CLINT1: variants seen among roughly 807,000 people sequenced by gnomAD.
CLINT1 encodes the protein clathrin interacting protein localized in the trans-Golgi region.
A neutral mutation model predicts 70.4 loss-of-function variants in CLINT1; 15 were observed. That is an observed-to-expected ratio of 0.21 (90% confidence interval 0.14 to 0.33). The LOEUF (loss-of-function observed/expected upper bound fraction) is 0.33, where lower values mean the gene tolerates loss of function less well. Among genes scored for constraint, CLINT1 ranks in the 10% least tolerant of loss-of-function variants. The probability of loss-of-function intolerance (pLI) is 1.00; values close to 1 mark genes in which losing one functional copy is unlikely to be tolerated. For missense variants in CLINT1, 615 were observed against 778.1 expected (o/e 0.79, Z 2.49); for synonymous variants, 227 against 254.7 (o/e 0.89, Z 1.04).
At chr5:157,792,784 T>C (rs564272272) in intron 9 of CLINT1, among the ~76,000 whole-genome samples, 3 of 152,336 alleles carry the variant, frequency 2.0e-5, no homozygotes, top group Admixed American at 6.5e-5. Context: ...TACAGTCTTA[T>C]CAATTAACCT....
At chr5:157,818,394 T>C (rs955069817) in intron 1 of CLINT1, among the ~76,000 whole-genome samples, 6 of 145,844 alleles carry the variant, frequency 4.1e-5, no homozygotes, top group Admixed American at 7.2e-5. Context: ...AAGTACTCAA[T>C]ATATGTTAGC....
At chr5:157,858,876 C>CGGGGGGGCGCGG in intron 1 of CLINT1, 54 bp downstream of exon 1, 1 of 605,916 alleles carries the variant, frequency 1.7e-6, no homozygotes, top group Non-Finnish European at 2.7e-6. Flanking sequence ...GCTCCTTCTC[C>CGGGGGGGCGCGG]CCCTCCCCCC....
At chr5:157,858,350 GTCT>G in intron 1 of CLINT1, among the ~76,000 whole-genome samples, 1 of 152,316 alleles carries the variant, frequency 6.6e-6, no homozygotes, top group Non-Finnish European at 1.5e-5. Context: ...AAGGATGAGT[GTCT>G]TCTTGAGTAA....
At chr5:157,848,737 C>T (rs920268179) in intron 1 of CLINT1, among the ~76,000 whole-genome samples, 3 of 152,204 alleles carry the variant, frequency 2.0e-5, no homozygotes, top group Admixed American at 6.5e-5. Flanking sequence ...TCTTGGCTCA[C>T]CGCAACCTCT....
chr5:157,826,487 T>C (rs1763043719), intron 1 of CLINT1, among the ~76,000 whole-genome samples: 1 of 151,454 alleles, frequency 6.6e-6, no homozygotes, highest in Non-Finnish European at 1.5e-5. Context: ...TCACATTAAC[T>C]ACCAGCACAA....
chr5:157,825,045 C>A (rs1357451023), intron 1 of CLINT1, among the ~76,000 whole-genome samples: 1 of 152,016 alleles, frequency 6.6e-6, no homozygotes, highest in Non-Finnish European at 1.5e-5. Context: ...TAAACATGTA[C>A]TTTTAAAAGT....
At chr5:157,838,659 G>T (rs965317989) in intron 1 of CLINT1, among the ~76,000 whole-genome samples, 4 of 152,058 alleles carry the variant, frequency 2.6e-5, no homozygotes, top group African/African-American at 9.7e-5. Context: ...ATCAGTTGCT[G>T]GTATAAACAA....
chr5:157,850,394 G>A (rs1383743980), intron 1 of CLINT1, among the ~76,000 whole-genome samples: 3 of 151,874 alleles, frequency 2.0e-5, no homozygotes, highest in Non-Finnish European at 4.4e-5. Flanking sequence ...TGAGGCGGGC[G>A]GATTGCCTGA....
At chr5:157,837,710 C>G (rs907646647) in intron 1 of CLINT1, among the ~76,000 whole-genome samples, 1 of 144,328 alleles carries the variant, frequency 6.9e-6, no homozygotes, top group East Asian at 2.0e-4. Context: ...GTGGCGTGAT[C>G]TTGGCTCACT....
intron 1 of CLINT1, among the ~76,000 whole-genome samples, chr5:157,830,508 C>T (rs1342060630): frequency 2.6e-5 from 4 of 152,048 alleles, no homozygotes; most frequent in Non-Finnish European, 5.9e-5. Flanking sequence ...TTATTCTTTT[C>T]GTAAGAGTAA....
At chr5:157,828,198 C>T (rs1319640558) in intron 1 of CLINT1, among the ~76,000 whole-genome samples, 1 of 152,178 alleles carries the variant, frequency 6.6e-6, no homozygotes, top group Non-Finnish European at 1.5e-5. Flanking sequence ...GAAAAACTGT[C>T]TCAAGACAGG....
intron 1 of CLINT1, among the ~76,000 whole-genome samples, chr5:157,840,592 G>A (rs186364362): frequency 9.0e-5 from 13 of 145,088 alleles, no homozygotes; most frequent in East Asian, 4.2e-4. Context: ...ATGTGTGTGC[G>A]TTTGCGTAAA....
At chr5:157,813,034 T>G in intron 5 of CLINT1, 29 bp downstream of exon 5, 1 of 1,599,692 alleles carries the variant, frequency 6.3e-7, no homozygotes. Flanking sequence ...AAGCTGATGC[T>G]TAGGTGTCAG....
intron 1 of CLINT1, among the ~76,000 whole-genome samples, chr5:157,828,680 C>G (rs1763114106): frequency 6.6e-6 from 1 of 152,038 alleles, no homozygotes; most frequent in African/African-American, 2.4e-5. Flanking sequence ...TGTAGTAAAA[C>G]TTCTCTCAAA....
chr5:157,814,542 A>G (rs1236356567), intron 3 of CLINT1, among the ~76,000 whole-genome samples: 2 of 152,224 alleles, frequency 1.3e-5, no homozygotes, highest in African/African-American at 4.8e-5. Context: ...ACTTAAAAGA[A>G]TAACACTGAT....
intron 1 of CLINT1, among the ~76,000 whole-genome samples, chr5:157,854,529 G>A (rs1355779225): frequency 6.6e-6 from 1 of 152,108 alleles, no homozygotes; most frequent in Middle Eastern, 3.2e-3. Flanking sequence ...GTGTGACCCT[G>A]TCTCAAAAAT....
rs191495748 is a variant in CLINT1, at chr5:157,785,766, C to T, written c.*1880G>A. 15 of 152,088 alleles carry T rather than the reference C, an allele frequency of 9.9e-5. No individual in the cohort carries two copies. The highest frequency in any genetic ancestry group is 2.6e-4 in the African/African-American group (11 of 41,530). The allele number at this position is 152,088 out of a possible 1,614,324, so 9.4% of individuals were successfully genotyped here. A position where few individuals can be genotyped will look rare whatever the true frequency, so the allele number is the denominator to read the frequency against. ...CAAAGGTTCAGATAAACATTTACTT[C>T]GTCTAAGAACCATACATATTTGAGA... On this transcript the variant is annotated 3_prime_UTR_variant, in exon 12 of 12. Coordinates refer to ENST00000411809, the MANE Select transcript of CLINT1 (RefSeq NM_014666.4).
intron 1 of CLINT1, among the ~76,000 whole-genome samples, chr5:157,842,721 CAAT>C (rs1262541961): frequency 6.6e-6 from 1 of 152,100 alleles, no homozygotes; most frequent in Non-Finnish European, 1.5e-5. Context: ...ATCCAATTTT[CAAT>C]AAATTTTAAA....
intron 9 of CLINT1, among the ~76,000 whole-genome samples, chr5:157,794,032 T>C (rs1411836777): frequency 1.3e-5 from 2 of 152,036 alleles, no homozygotes; most frequent in African/African-American, 4.8e-5. Flanking sequence ...CCAGATTTTA[T>C]AAAACAAATA....
Sources: gnomAD v4.1 joint callset for allele counts (sites outside exome capture counted in the v4.1 genomes callset) on GRCh38, gnomAD v4.1.1 for gene constraint, MANE v1.5 for transcripts, NCBI Gene and HGNC (gene_info 2026-07-23, HGNC 2026-07-21) for gene names.